Variants in INIP observed in about 807,000 individuals in gnomAD.
The protein encoded by INIP is SOSS complex subunit C.
In INIP, 9 loss-of-function variants were observed where a neutral mutation model predicts 14.0. The observed-to-expected ratio is 0.64, with a 90% CI of 0.39 to 1.12. INIP has a LOEUF of 1.12. Ranked by LOEUF, INIP falls within the 50% of genes most tolerant of loss-of-function variation. The pLI is 0.01. For missense variants in INIP, 78 were observed against 122.7 expected (o/e 0.64, Z 1.72); for synonymous variants, 37 against 41.5 (o/e 0.89, Z 0.41).
rs1481000707 is a variant in INIP, at chr9:112,685,364, TA to T, written c.*2173del. ...TAGGATCCTCTGCACGGTGACCTCC[TA>T]AAAGAGCAGGTACCAGTCACCTTTG... is the stretch of plus-strand genomic sequence containing the variant. On this transcript the variant is annotated 3_prime_UTR_variant, in exon 5 of 5. Transcript: ENST00000374242. 1.3e-5 allele frequency: 2 copies of T among 151,990 alleles called. No individual in the cohort carries two copies. The highest frequency in any genetic ancestry group is 1.3e-4 in the Admixed American group (2 of 15,230). 9.4% of individuals were successfully genotyped at this position (151,990 alleles called of 1,614,324 possible). A position where few individuals can be genotyped will look rare whatever the true frequency, so the allele number is the denominator to read the frequency against.
intron 3 of INIP, 36 bp downstream of exon 3, chr9:112,694,095 A>G (rs954089117): frequency 4.4e-6 from 6 of 1,364,906 alleles, no homozygotes; most frequent in African/African-American, 2.9e-5. Context: ...AAAACAAAAC[A>G]AAACAAACAA....
rs1278091585 is a variant in INIP, at chr9:112,686,515, T to A, written c.*1023A>T. On this transcript the variant is annotated 3_prime_UTR_variant, in exon 5 of 5. Transcript: ENST00000374242. ...ATAAGTTTTCTTTTTCTTTTTTTCT[T>A]TGAGACAAAGACTCACTGTCACCCA... 1 of 152,184 alleles carries A rather than the reference T, an allele frequency of 6.6e-6. No homozygotes were observed. The highest frequency in any genetic ancestry group is 1.5e-5 in the Non-Finnish European group (1 of 68,054). The allele number at this position is 152,184 out of a possible 1,614,324, so 9.4% of individuals were successfully genotyped here.
At chr9:112,692,531 A>G (rs1211035201) in intron 3 of INIP, among the ~76,000 whole-genome samples, 1 of 151,754 alleles carries the variant, frequency 6.6e-6, no homozygotes, top group Non-Finnish European at 1.5e-5. Flanking sequence ...TGATCCACCC[A>G]CCTTAGCCTC....
At chr9:112,695,412 C>T (rs114348320) in intron 2 of INIP, among the ~76,000 whole-genome samples, 2 of 151,988 alleles carry the variant, frequency 1.3e-5, no homozygotes, top group African/African-American at 4.8e-5. Context: ...GAATTTTATA[C>T]TGATTATAAA....
intron 2 of INIP, among the ~76,000 whole-genome samples, chr9:112,700,531 ATATATAT>A (rs139004110): frequency 0.019 from 2,600 of 139,808 alleles, 72 homozygotes; most frequent in African/African-American, 0.066. Context: ...TATAATATAT[ATATATAT>A]TATATATACC....
chr9:112,711,344 C>T (rs774188838), intron 2 of INIP, among the ~76,000 whole-genome samples: 3 of 152,000 alleles, frequency 2.0e-5, no homozygotes, highest in Non-Finnish European at 4.4e-5. Context: ...AAAGGAGCAA[C>T]GGAAGCCAAA....
chr9:112,703,116 T>C (rs1838351281), intron 2 of INIP, among the ~76,000 whole-genome samples: 1 of 152,248 alleles, frequency 6.6e-6, no homozygotes, highest in African/African-American at 2.4e-5. Context: ...CCTCTCATTT[T>C]ACTTGGCCAA....
intron 4 of INIP, among the ~76,000 whole-genome samples, chr9:112,687,903 G>A (rs1234083917): frequency 6.6e-6 from 1 of 152,016 alleles, no homozygotes. Context: ...GGCTAACGTG[G>A]TGAAACCCCG....
intron 2 of INIP, among the ~76,000 whole-genome samples, chr9:112,711,344 C>G (rs774188838): frequency 5.2e-4 from 79 of 152,000 alleles, no homozygotes; most frequent in Non-Finnish European, 5.9e-4. Context: ...AAAGGAGCAA[C>G]GGAAGCCAAA....
intron 2 of INIP, among the ~76,000 whole-genome samples, chr9:112,697,041 G>A (rs532094576): frequency 2.4e-4 from 37 of 152,264 alleles, no homozygotes; most frequent in Admixed American, 5.2e-4. Context: ...TCCTTTCCCC[G>A]GAGGTCAGTA....
intron 2 of INIP, among the ~76,000 whole-genome samples, chr9:112,706,466 C>A (rs1158146071): frequency 6.6e-6 from 1 of 151,846 alleles, no homozygotes; most frequent in Non-Finnish European, 1.5e-5. Context: ...GTTGCCCAGG[C>A]TCATCTTAAA....
intron 2 of INIP, among the ~76,000 whole-genome samples, chr9:112,703,731 T>G (rs1838371817): frequency 6.6e-6 from 1 of 152,186 alleles, no homozygotes; most frequent in South Asian, 2.1e-4. Context: ...CGTGAGCCAC[T>G]GTGCCCAGCC....
At chr9:112,709,273 A>G (rs1221440451) in intron 2 of INIP, among the ~76,000 whole-genome samples, 1 of 152,104 alleles carries the variant, frequency 6.6e-6, no homozygotes, top group African/African-American at 2.4e-5. Context: ...GATTAATCCC[A>G]ATAAAGATCA....
chr9:112,716,742 C>A (rs1838831163), intron 1 of INIP, among the ~76,000 whole-genome samples: 1 of 151,670 alleles, frequency 6.6e-6, no homozygotes, highest in South Asian at 2.1e-4. Flanking sequence ...GTCAGCAGAT[C>A]GAGACCATCC....
At chr9:112,695,575 C>T (rs1003346304) in intron 2 of INIP, among the ~76,000 whole-genome samples, 2 of 152,092 alleles carry the variant, frequency 1.3e-5, no homozygotes, top group Non-Finnish European at 2.9e-5. Flanking sequence ...CATTAGCATA[C>T]TGTCTGTGGC....
intron 1 of INIP, among the ~76,000 whole-genome samples, chr9:112,717,240 AAAC>A (rs1838853677): frequency 6.6e-6 from 1 of 152,172 alleles, no homozygotes; most frequent in Non-Finnish European, 1.5e-5. Flanking sequence ...ACATACCCAA[AAAC>A]TACTGTGTAC....
intron 3 of INIP, among the ~76,000 whole-genome samples, chr9:112,693,344 T>C (rs578247046): frequency 3.7e-4 from 57 of 152,328 alleles, no homozygotes; most frequent in African/African-American, 1.3e-3. Context: ...TCTCCTCTAC[T>C]GGAGACAACT....
At position 112,689,509 on chromosome 9, in the gene INIP, G is replaced by A; in HGVS notation, c.219+18C>T. 1.2e-6 allele frequency: 2 copies of A among 1,605,690 alleles called. No individual in the cohort carries two copies. Among genetic ancestry groups the A allele is most frequent in the Non-Finnish European group, 8.5e-7 (1 of 1,172,762 alleles). On this transcript the variant is annotated intron_variant, in intron 4 of 4. Coordinates refer to ENST00000374242, the MANE Select transcript of INIP (RefSeq NM_021218.3). ...AGGAAACCTCCACCGAGGCAAGAAT[G>A]TCAGTTACACTGCTCACCTGCAAAG... is the stretch of plus-strand genomic sequence containing the variant.
chr9:112,701,967 G>A (rs993453384), intron 2 of INIP: 10 of 152,172 alleles, frequency 6.6e-5, no homozygotes, highest in African/African-American at 2.2e-4. Flanking sequence ...GGATGAGGCA[G>A]GAGGATTGCT....
Sources: gnomAD v4.1 joint callset for allele counts (sites outside exome capture counted in the v4.1 genomes callset) on GRCh38, gnomAD v4.1.1 for gene constraint, MANE v1.5 for transcripts, NCBI Gene and HGNC (gene_info 2026-07-23, HGNC 2026-07-21) for gene names.